The following PABPC4L variants were observed in gnomAD, a reference collection of about 807,000 sequenced individuals.
PABPC4L encodes polyadenylate-binding protein 4-like.
For synonymous variants in PABPC4L, 169 were observed against 164.1 expected (o/e 1.03, Z -0.23); for missense variants, 452 against 451.4 (o/e 1.00, Z -0.01).
the PABPC4L span, among the ~76,000 whole-genome samples, chr4:134,150,032 G>A: frequency 3.3e-5 from 5 of 151,432 alleles, no homozygotes; most frequent in African/African-American, 9.7e-5. Flanking sequence ...GACCATTTTT[G>A]CTGTTTTCTG....
At chr4:134,090,800 AT>A in the PABPC4L span, among the ~76,000 whole-genome samples, 1 of 151,858 alleles carries the variant, frequency 6.6e-6, no homozygotes, top group African/African-American at 2.4e-5. Flanking sequence ...GTTGCTGCCT[AT>A]GAAATGATGC....
chr4:134,173,259 TC>T, the PABPC4L span, among the ~76,000 whole-genome samples: 1 of 151,078 alleles, frequency 6.6e-6, no homozygotes. Flanking sequence ...AATCTGTATA[TC>T]AAAGAGATAT....
At chr4:134,176,191 A>G in the PABPC4L span, among the ~76,000 whole-genome samples, 4 of 152,130 alleles carry the variant, frequency 2.6e-5, no homozygotes, top group Non-Finnish European at 4.4e-5. Flanking sequence ...CATATTAGAA[A>G]CTGTGAAGGT....
chr4:134,055,339 G>A, the PABPC4L span, among the ~76,000 whole-genome samples: 1 of 151,926 alleles, frequency 6.6e-6, no homozygotes, highest in African/African-American at 2.4e-5. Context: ...TAGGACTGGT[G>A]TCCTCATAAG....
the PABPC4L span, among the ~76,000 whole-genome samples, chr4:134,148,917 A>T: frequency 6.6e-6 from 1 of 152,060 alleles, no homozygotes; most frequent in Non-Finnish European, 1.5e-5. Flanking sequence ...TCCCCTCATA[A>T]CAAAGACCTA....
At chr4:134,093,647 C>T in the PABPC4L span, among the ~76,000 whole-genome samples, 2 of 149,158 alleles carry the variant, frequency 1.3e-5, no homozygotes, top group Non-Finnish European at 3.0e-5. Flanking sequence ...CATTTCTAAT[C>T]ATGTATGAGA....
At chr4:134,111,698 C>T in the PABPC4L span, among the ~76,000 whole-genome samples, 1 of 151,894 alleles carries the variant, frequency 6.6e-6, no homozygotes, top group Non-Finnish European at 1.5e-5. Context: ...TCATGAGATC[C>T]GATGGGTTTA....
chr4:134,153,801 C>T, the PABPC4L span, among the ~76,000 whole-genome samples: 22 of 147,254 alleles, frequency 1.5e-4, 1 homozygote, highest in African/African-American at 5.1e-4. Context: ...GCATGTGCCC[C>T]TATGCCTAGT....
At chr4:134,018,648 C>A in the PABPC4L span, among the ~76,000 whole-genome samples, 1 of 151,930 alleles carries the variant, frequency 6.6e-6, no homozygotes, top group Non-Finnish European at 1.5e-5. Flanking sequence ...TCTCTTTTGC[C>A]AGGTTATTCT....
the PABPC4L span, among the ~76,000 whole-genome samples, chr4:134,178,732 AG>A: frequency 3.6e-4 from 55 of 152,312 alleles, no homozygotes; most frequent in African/African-American, 1.3e-3. Flanking sequence ...AAAATACACT[AG>A]AAAAATTTTA....
At chr4:134,134,341 A>G in the PABPC4L span, among the ~76,000 whole-genome samples, 1 of 152,160 alleles carries the variant, frequency 6.6e-6, no homozygotes, top group East Asian at 1.9e-4. Flanking sequence ...GACTAGTTGC[A>G]TATATTTATC....
chr4:134,201,243 G>A lies in PABPC4L; in HGVS notation c.-224C>T. On this transcript the variant is annotated splice_region_variant and 5_prime_UTR_variant, in exon 2 of 2. Transcript: ENST00000421491. ...CTGGCCCTCCTAGGACGCGGCAACA[G>A]AACTGTGAAATCGCAAAGAGAGATT... 1 of 1,527,606 alleles carries A rather than the reference G, an allele frequency of 6.5e-7. No individual in the cohort carries two copies. The highest frequency in any genetic ancestry group is 8.8e-7 in the Non-Finnish European group (1 of 1,134,578). 94.6% of individuals were successfully genotyped at this position (1,527,606 alleles called of 1,614,324 possible).
the PABPC4L span, among the ~76,000 whole-genome samples, chr4:134,008,835 T>C: frequency 6.6e-6 from 1 of 151,834 alleles, no homozygotes; most frequent in Non-Finnish European, 1.5e-5. Flanking sequence ...CTCTTACCAA[T>C]GTTACATATA....
chr4:134,055,899 T>C, the PABPC4L span, among the ~76,000 whole-genome samples: 9 of 152,022 alleles, frequency 5.9e-5, no homozygotes, highest in Non-Finnish European at 1.3e-4. Flanking sequence ...TGCCTAGCCC[T>C]AGATTATGAA....
At chr4:134,066,024 T>C in the PABPC4L span, among the ~76,000 whole-genome samples, 1 of 152,120 alleles carries the variant, frequency 6.6e-6, no homozygotes, top group Non-Finnish European at 1.5e-5. Flanking sequence ...CAGTATAATT[T>C]GAAGTTGGGT....
chr4:134,180,191 A>G, the PABPC4L span, among the ~76,000 whole-genome samples: 1 of 152,112 alleles, frequency 6.6e-6, no homozygotes, highest in East Asian at 1.9e-4. Flanking sequence ...CATACCAACC[A>G]GGATCTCATA....
chr4:133,959,085 A>C, the PABPC4L span, among the ~76,000 whole-genome samples: 5 of 152,182 alleles, frequency 3.3e-5, no homozygotes, highest in Admixed American at 3.3e-4. Flanking sequence ...CACAGTATTT[A>C]GATTAAATAG....
chr4:133,980,497 T>A, the PABPC4L span, among the ~76,000 whole-genome samples: 1 of 152,130 alleles, frequency 6.6e-6, no homozygotes, highest in Non-Finnish European at 1.5e-5. Context: ...CAGTAAGATG[T>A]CAATACACCA....
chr4:134,176,689 A>T, the PABPC4L span, among the ~76,000 whole-genome samples: 3 of 152,046 alleles, frequency 2.0e-5, no homozygotes, highest in Admixed American at 2.0e-4. Flanking sequence ...GGGACACAGA[A>T]CAGAGGGGAG....
Sources: gnomAD v4.1 joint callset for allele counts (sites outside exome capture counted in the v4.1 genomes callset) on GRCh38, gnomAD v4.1.1 for gene constraint, MANE v1.5 for transcripts, NCBI Gene and HGNC (gene_info 2026-07-23, HGNC 2026-07-21) for gene names.